Variants in CTNND2 observed in about 807,000 individuals in gnomAD.
CTNND2 encodes catenin delta-2.
CTNND2 carries 22 observed loss-of-function variants against 144.4 expected under a neutral mutation model. The observed-to-expected ratio is 0.15, with a 90% CI of 0.11 to 0.22. The LOEUF is 0.22. Ranked by LOEUF, CTNND2 falls within the 10% of genes least tolerant of loss-of-function variation. The pLI is 1.00. For synonymous variants in CTNND2, 751 were observed against 695.6 expected, an observed-to-expected ratio of 1.08 and a Z score of -1.25; for missense variants, 1,353 against 1,618.8, an observed-to-expected ratio of 0.84 and a Z score of 2.82.
chr5:11,393,538 T>TTA (rs1228068267), intron 6 of CTNND2, among the ~76,000 whole-genome samples: 18 of 152,202 alleles, frequency 1.2e-4, no homozygotes, highest in African/African-American at 4.3e-4. Flanking sequence ...GCCAGAAGTT[T>TTA]TATATTTAGC....
intron 3 of CTNND2, among the ~76,000 whole-genome samples, chr5:11,498,710 A>G (rs953401538): frequency 6.6e-6 from 1 of 152,218 alleles, no homozygotes; most frequent in South Asian, 2.1e-4. Flanking sequence ...GTATAGCTAG[A>G]TAATTTTTAT....
At chr5:11,790,404 T>A (rs1197238507) in intron 1 of CTNND2, among the ~76,000 whole-genome samples, 1 of 151,756 alleles carries the variant, frequency 6.6e-6, no homozygotes, top group South Asian at 2.1e-4. Flanking sequence ...GAGGTGTAGA[T>A]TGAGCATGGG....
At chr5:11,851,453 ATTTCC>A (rs572383785) in intron 1 of CTNND2, among the ~76,000 whole-genome samples, 276 of 152,210 alleles carry the variant, frequency 1.8e-3, no homozygotes, top group African/African-American at 6.5e-3. Context: ...AGCCCTAGTT[ATTTCC>A]TAGAGGAATT....
At chr5:11,778,642 A>C (rs1228984521) in intron 1 of CTNND2, among the ~76,000 whole-genome samples, 1 of 152,224 alleles carries the variant, frequency 6.6e-6, no homozygotes, top group Non-Finnish European at 1.5e-5. Flanking sequence ...GCGAAGTCTG[A>C]GAAACTGCCA....
chr5:11,737,827 A>C (rs1287081224), intron 1 of CTNND2, among the ~76,000 whole-genome samples: 1 of 152,182 alleles, frequency 6.6e-6, no homozygotes, highest in African/African-American at 2.4e-5. Flanking sequence ...TTGCATACAC[A>C]AAGACAGAAA....
At chr5:11,623,843 T>C (rs1242676848) in intron 2 of CTNND2, among the ~76,000 whole-genome samples, 4 of 126,916 alleles carry the variant, frequency 3.2e-5, no homozygotes, top group African/African-American at 1.3e-4. Flanking sequence ...TATATATATA[T>C]ATATATATAT....
intron 1 of CTNND2, among the ~76,000 whole-genome samples, chr5:11,855,347 C>A (rs538250215): frequency 3.3e-5 from 5 of 152,168 alleles, no homozygotes; most frequent in Non-Finnish European, 5.9e-5. Flanking sequence ...GAACTAACCT[C>A]ACCTCACTGG....
At chr5:11,354,700 CA>C (rs1755682631) in intron 8 of CTNND2, among the ~76,000 whole-genome samples, 1 of 152,068 alleles carries the variant, frequency 6.6e-6, no homozygotes. Context: ...ATTATCCAGA[CA>C]GAAATCAATA....
chr5:11,694,262 C>T (rs572801344), intron 2 of CTNND2, among the ~76,000 whole-genome samples: 57 of 151,806 alleles, frequency 3.8e-4, no homozygotes, highest in African/African-American at 7.0e-4. Flanking sequence ...GGTGAAACCC[C>T]GTCTCTACTA....
At chr5:11,590,644 G>A (rs1459982358) in intron 2 of CTNND2, among the ~76,000 whole-genome samples, 4 of 151,334 alleles carry the variant, frequency 2.6e-5, no homozygotes, top group African/African-American at 9.7e-5. Context: ...CCTTGTAAAT[G>A]TACTTTGTAA....
chr5:11,241,762 A>C (rs913092160), intron 9 of CTNND2, among the ~76,000 whole-genome samples: 2 of 152,216 alleles, frequency 1.3e-5, no homozygotes, highest in Non-Finnish European at 2.9e-5. Flanking sequence ...GCCTGCAGAA[A>C]ATAGTCTGTC....
chr5:11,474,603 C>T (rs955424087), intron 3 of CTNND2, among the ~76,000 whole-genome samples: 3 of 152,160 alleles, frequency 2.0e-5, no homozygotes, highest in South Asian at 2.1e-4. Flanking sequence ...AGACAGAAGA[C>T]ACCAACGCAG....
intron 16 of CTNND2, among the ~76,000 whole-genome samples, chr5:11,027,707 T>G (rs529153748): frequency 6.6e-6 from 1 of 152,298 alleles, no homozygotes; most frequent in African/African-American, 2.4e-5. Context: ...CAAGTAAAGA[T>G]TATTTTCTCT....
intron 5 of CTNND2, among the ~76,000 whole-genome samples, chr5:11,410,284 T>C (rs989936436): frequency 6.6e-6 from 1 of 152,140 alleles, no homozygotes; most frequent in Non-Finnish European, 1.5e-5. Context: ...AGGATGCATA[T>C]GGGTATAAAT....
At chr5:11,573,178 A>G (rs1777709493) in intron 2 of CTNND2, among the ~76,000 whole-genome samples, 2 of 152,218 alleles carry the variant, frequency 1.3e-5, no homozygotes, top group Non-Finnish European at 1.5e-5. Context: ...AAGTTAATAC[A>G]TGTGAAGCAC....
chr5:11,266,911 C>A (rs891480312), intron 9 of CTNND2, among the ~76,000 whole-genome samples: 1 of 152,170 alleles, frequency 6.6e-6, no homozygotes, highest in African/African-American at 2.4e-5. Flanking sequence ...CGGAGTCCAA[C>A]TCTGTTGCCC....
chr5:11,167,378 T>G (rs536874482), intron 11 of CTNND2, among the ~76,000 whole-genome samples: 1 of 152,196 alleles, frequency 6.6e-6, no homozygotes, highest in Non-Finnish European at 1.5e-5. Flanking sequence ...ACAAAATTTA[T>G]TTAGCCCCAG....
chr5:11,795,862 T>C (rs931228644), intron 1 of CTNND2, among the ~76,000 whole-genome samples: 7 of 152,242 alleles, frequency 4.6e-5, no homozygotes, highest in African/African-American at 1.7e-4. Flanking sequence ...AGTTAGTACA[T>C]TACAGTTCTT....
At chr5:11,037,944 T>A (rs1744263056) in intron 16 of CTNND2, among the ~76,000 whole-genome samples, 1 of 152,204 alleles carries the variant, frequency 6.6e-6, no homozygotes, top group Admixed American at 6.5e-5. Flanking sequence ...TTATTATTAC[T>A]AATCTGGGTG....
Sources: allele counts gnomAD v4.1 joint callset (sites outside exome capture counted in the v4.1 genomes callset), GRCh38; gene constraint gnomAD v4.1.1; transcripts MANE v1.5; gene names NCBI Gene and HGNC (gene_info 2026-07-23, HGNC 2026-07-21).